Variants in BICDL1 observed in about 807,000 individuals in gnomAD.
BICDL1 encodes BICD family like cargo adaptor 1, also known as BICD family-like cargo adapter 1.
BICDL1 carries 20 observed loss-of-function variants against 76.8 expected under a neutral mutation model. The observed-to-expected ratio is 0.26, with a 90% CI of 0.18 to 0.38. BICDL1 has a LOEUF of 0.38. Among genes scored for constraint, BICDL1 ranks in the 10% least tolerant of loss-of-function variants. The pLI is 1.00. For missense variants in BICDL1, 700 were observed against 798.6 expected (o/e 0.88, Z 1.49); for synonymous variants, 383 against 337.1 (o/e 1.14, Z -1.49).
chr12:120,039,708 A>C (rs1387499948), intron 2 of BICDL1, among the ~76,000 whole-genome samples: 1 of 151,568 alleles, frequency 6.6e-6, no homozygotes, highest in Non-Finnish European at 1.5e-5. Context: ...TCTAGAACTT[A>C]GATTATCAAA....
chr12:120,088,926 AGT>A (rs1348397822), intron 8 of BICDL1, among the ~76,000 whole-genome samples: 2 of 152,174 alleles, frequency 1.3e-5, no homozygotes, highest in Non-Finnish European at 1.5e-5. Flanking sequence ...GGCCTCCCAA[AGT>A]GCTGGAATTA....
chr12:120,055,765 T>C (rs1287576366), intron 2 of BICDL1, among the ~76,000 whole-genome samples: 1 of 152,200 alleles, frequency 6.6e-6, no homozygotes, highest in Non-Finnish European at 1.5e-5. Context: ...ATTAAAACAT[T>C]GCATAATACC....
At chr12:120,075,550 G>A (rs927043265) in intron 7 of BICDL1, among the ~76,000 whole-genome samples, 52 of 152,148 alleles carry the variant, frequency 3.4e-4, no homozygotes, top group African/African-American at 1.2e-3. Context: ...ACGCCACCAT[G>A]CCCAACTAAT....
intron 2 of BICDL1, among the ~76,000 whole-genome samples, chr12:120,043,417 A>T (rs1206113683): frequency 6.6e-6 from 1 of 152,252 alleles, no homozygotes; most frequent in African/African-American, 2.4e-5. Flanking sequence ...TTATAAAAGA[A>T]AAGACTTGAG....
intron 1 of BICDL1, among the ~76,000 whole-genome samples, chr12:119,997,803 A>G (rs1233445467): frequency 6.6e-6 from 1 of 152,084 alleles, no homozygotes; most frequent in South Asian, 2.1e-4. Context: ...GGTGACTCCA[A>G]AGGAAGCCTC....
intron 2 of BICDL1, among the ~76,000 whole-genome samples, chr12:120,059,666 T>C (rs750809210): frequency 6.6e-6 from 1 of 152,080 alleles, no homozygotes; most frequent in Non-Finnish European, 1.5e-5. Context: ...CACCTCAGGC[T>C]CCCAAAATGC....
intron 2 of BICDL1, among the ~76,000 whole-genome samples, chr12:120,023,800 AAG>A (rs1403304033): frequency 6.6e-6 from 1 of 151,980 alleles, no homozygotes; most frequent in Admixed American, 6.6e-5. Flanking sequence ...GAAAAAAAAA[AAG>A]GAAAAAAAAA....
At chr12:120,031,774 T>C (rs1003915954) in intron 2 of BICDL1, among the ~76,000 whole-genome samples, 2 of 152,192 alleles carry the variant, frequency 1.3e-5, no homozygotes, top group Non-Finnish European at 2.9e-5. Flanking sequence ...GGCCATTTTA[T>C]GTCTACTGTC....
intron 2 of BICDL1, among the ~76,000 whole-genome samples, chr12:120,051,799 C>G (rs1363116432): frequency 6.6e-6 from 1 of 152,130 alleles, no homozygotes; most frequent in Non-Finnish European, 1.5e-5. Context: ...AATCTACATA[C>G]CTATTGGAAT....
chr12:120,091,564 G>C, intron 9 of BICDL1: 2 of 985,014 alleles, frequency 2.0e-6, no homozygotes, highest in Non-Finnish European at 2.4e-6. Flanking sequence ...GCTCTGAGGG[G>C]CAAGTGGAAA....
At position 120,026,852 on chromosome 12, in the gene BICDL1, A is replaced by G. The variant is rs139698990; in HGVS notation, c.645+28116A>G. On this transcript the variant is annotated intron_variant, in intron 2 of 9. Transcript: ENST00000548673. ...TACTGTGAGGTCTCAGTGCTGTGGCATGACAAAGACTTGGCAGTATAGGAA... is the reference window on the plus strand; with the variant it reads ...TACTGTGAGGTCTCAGTGCTGTGGCGTGACAAAGACTTGGCAGTATAGGAA... 3.8e-3 allele frequency among the ~76,000 whole-genome samples: 574 copies of G among 152,246 alleles called. 6 individuals are homozygous for G. The highest frequency in any genetic ancestry group is 4.1e-3 in the Non-Finnish European group (279 of 68,012).
intron 2 of BICDL1, among the ~76,000 whole-genome samples, chr12:120,019,638 G>C (rs1432282361): frequency 6.6e-6 from 1 of 152,060 alleles, no homozygotes; most frequent in Non-Finnish European, 1.5e-5. Flanking sequence ...GACCGAGTCT[G>C]GGAGTCTCTC....
chr12:120,010,347 A>G (rs1405322587), intron 2 of BICDL1, among the ~76,000 whole-genome samples: 1 of 152,218 alleles, frequency 6.6e-6, no homozygotes, highest in Admixed American at 6.5e-5. Flanking sequence ...CCAATTTCAA[A>G]TTATTTTGGA....
At chr12:120,078,703 G>A (rs3759399) in intron 7 of BICDL1, among the ~76,000 whole-genome samples, 70,984 of 152,212 alleles carry the variant, frequency 0.47, 19,453 homozygotes, top group Non-Finnish European at 0.59. Context: ...TAAGGCACAT[G>A]TCTGGTAGGC....
intron 2 of BICDL1, among the ~76,000 whole-genome samples, chr12:120,057,336 C>A (rs1952996574): frequency 6.6e-6 from 1 of 152,020 alleles, no homozygotes. Flanking sequence ...TTCCACGATA[C>A]CCCTCCTCTC....
intron 2 of BICDL1, among the ~76,000 whole-genome samples, chr12:120,052,080 A>G (rs1952871325): frequency 6.6e-6 from 1 of 152,200 alleles, no homozygotes; most frequent in Middle Eastern, 3.4e-3. Context: ...AGCTGGGACT[A>G]CAGTTGCCCG....
chr12:120,014,517 C>G (rs1389652174), intron 2 of BICDL1, among the ~76,000 whole-genome samples: 1 of 152,010 alleles, frequency 6.6e-6, no homozygotes, highest in Non-Finnish European at 1.5e-5. Flanking sequence ...CATGATGAAA[C>G]CCCGTCTCTA....
At chr12:119,991,531 A>G (rs762374358) in intron 1 of BICDL1, among the ~76,000 whole-genome samples, 10 of 152,228 alleles carry the variant, frequency 6.6e-5, no homozygotes, top group Non-Finnish European at 1.5e-4. Flanking sequence ...TGTGAAACCT[A>G]TAGGTAGACT....
intron 2 of BICDL1, among the ~76,000 whole-genome samples, chr12:120,055,384 G>A (rs1458215169): frequency 6.6e-6 from 1 of 152,138 alleles, no homozygotes; most frequent in African/African-American, 2.4e-5. Flanking sequence ...TAGTTTGGGG[G>A]AATGTTCATA....
Sources: gnomAD v4.1 joint callset for allele counts (sites outside exome capture counted in the v4.1 genomes callset) on GRCh38, gnomAD v4.1.1 for gene constraint, MANE v1.5 for transcripts, NCBI Gene and HGNC (gene_info 2026-07-23, HGNC 2026-07-21) for gene names.